The following NECAB2 variants were observed in gnomAD, a reference collection of about 807,000 sequenced individuals.
The protein encoded by NECAB2 is N-terminal EF-hand calcium-binding protein 2.
A neutral mutation model predicts 51.9 loss-of-function variants in NECAB2; 68 were observed. The observed-to-expected ratio is 1.31, with a 90% confidence interval of 1.08 to 1.60. The LOEUF (loss-of-function observed/expected upper bound fraction) is 1.60, where lower values mean the gene tolerates loss of function less well. NECAB2 is among the 40% of genes most tolerant of loss of function. The pLI is 0.00. For missense variants in NECAB2, 854 were observed against 490.3 expected (o/e 1.74, Z -7.00); for synonymous variants, 329 against 203.5 (o/e 1.62, Z -5.25).
intron 12 of NECAB2, 103 bp from the exon 13 acceptor site, chr16:84,002,215 G>T (rs867645644): frequency 4.1e-5 from 58 of 1,407,552 alleles, no homozygotes; most frequent in Non-Finnish European, 5.5e-5. Flanking sequence ...GTCACACAAG[G>T]ACTCAAAGCC....
chr16:83,999,005 C>T (rs1202817183), intron 10 of NECAB2, among the ~76,000 whole-genome samples: 1 of 152,158 alleles, frequency 6.6e-6, no homozygotes, highest in African/African-American at 2.4e-5. Flanking sequence ...AAGGCTCTGC[C>T]CAACTCCCTT....
At chr16:83,992,743 C>T (rs1401863829) in intron 6 of NECAB2, among the ~76,000 whole-genome samples, 3 of 152,306 alleles carry the variant, frequency 2.0e-5, no homozygotes, top group Non-Finnish European at 2.9e-5. Context: ...CATTCCTGGG[C>T]TCCTGGCCAT....
intron 10 of NECAB2, among the ~76,000 whole-genome samples, chr16:83,999,423 G>A (rs1056686837): frequency 6.6e-6 from 1 of 152,154 alleles, no homozygotes; most frequent in African/African-American, 2.4e-5. Flanking sequence ...GGACGTAGAG[G>A]CTCTGGTTTG....
chr16:84,001,746 A>C, intron 11 of NECAB2, 79 bp from the exon 12 acceptor site: 1 of 1,494,634 alleles, frequency 6.7e-7, no homozygotes, highest in Non-Finnish European at 9.3e-7. Context: ...ATTTTGGGCT[A>C]GAGCTAGGAT....
At chr16:83,969,459 C>A (rs1326726300) in intron 1 of NECAB2, among the ~76,000 whole-genome samples, 2 of 152,070 alleles carry the variant, frequency 1.3e-5, no homozygotes, top group African/African-American at 4.8e-5. Flanking sequence ...AGCTGGTACC[C>A]CTCTGGTCTT....
chr16:83,995,709 A>T (rs1208987571), intron 8 of NECAB2, among the ~76,000 whole-genome samples: 2 of 152,110 alleles, frequency 1.3e-5, no homozygotes, highest in East Asian at 1.9e-4. Context: ...GTTCTCAGGC[A>T]TTCATGGGGG....
At chr16:83,997,377 C>A (rs2084723318) in intron 9 of NECAB2, 108 bp downstream of exon 9, 1 of 1,410,160 alleles carries the variant, frequency 7.1e-7, no homozygotes, top group Non-Finnish European at 9.9e-7. Context: ...TGCTTGGGAC[C>A]ACCAGGAGGG....
chr16:83,976,146 C>G (rs2084407181), intron 2 of NECAB2, among the ~76,000 whole-genome samples: 1 of 152,138 alleles, frequency 6.6e-6, no homozygotes, highest in Non-Finnish European at 1.5e-5. Flanking sequence ...GATTGGGGCT[C>G]ACAACCCCTG....
At position 83,981,567 on chromosome 16, in the gene NECAB2, C is replaced by A. The variant is rs141803909; in HGVS notation, c.459+440C>A. ...CACCTGGTTTAATCCTCACAGCAAC[C>A]CTATGGGTGGTTGCTGTCACCTCCA... On this transcript the variant is annotated intron_variant, in intron 5 of 12. Coordinates refer to ENST00000305202, the MANE Select transcript of NECAB2 (RefSeq NM_019065.3). Among the ~76,000 whole-genome samples the A allele has an allele frequency of 1.6e-4, 24 of 152,178 alleles. 1 individual carries two copies. In the East Asian group the frequency reaches 4.6e-3, roughly 29 times the overall value.
upstream of NECAB2, chr16:83,966,162 C>T (rs1391989883): frequency 3.1e-6 from 2 of 646,164 alleles, no homozygotes; most frequent in Admixed American, 3.1e-5. Flanking sequence ...CCAGGCTGCC[C>T]TGGACTTAGA....
chr16:83,997,368 G>A, intron 9 of NECAB2, 99 bp downstream of exon 9: 2 of 1,465,598 alleles, frequency 1.4e-6, no homozygotes, highest in South Asian at 1.2e-5. Flanking sequence ...CGCTCTCCCT[G>A]CTTGGGACCA....
chr16:83,968,943 G>C, intron 1 of NECAB2, 94 bp downstream of exon 1: 1 of 818,038 alleles, frequency 1.2e-6, no homozygotes, highest in East Asian at 8.6e-5. Flanking sequence ...CGCGACCCGC[G>C]AGGCCCTCCC....
intron 6 of NECAB2, among the ~76,000 whole-genome samples, chr16:83,992,448 G>T (rs904365556): frequency 4.8e-5 from 7 of 146,582 alleles, no homozygotes; most frequent in African/African-American, 1.9e-4. Context: ...TCCCAGAACA[G>T]CTGATGTGCT....
chr16:83,977,845 C>A (rs1255106976), intron 2 of NECAB2, among the ~76,000 whole-genome samples: 1 of 152,188 alleles, frequency 6.6e-6, no homozygotes, highest in Admixed American at 6.5e-5. Flanking sequence ...ACTCTAAGAA[C>A]AGTGCTGAGA....
chr16:83,988,155 C>A (rs1225003053), intron 5 of NECAB2, among the ~76,000 whole-genome samples: 1 of 152,196 alleles, frequency 6.6e-6, no homozygotes, highest in African/African-American at 2.4e-5. Flanking sequence ...TTAATCAGAT[C>A]TGGGACTTTG....
chr16:84,002,036 C>A (rs1426585883), intron 12 of NECAB2, 120 bp downstream of exon 12: 1 of 1,207,752 alleles, frequency 8.3e-7, no homozygotes. Flanking sequence ...CTGTCAGCTC[C>A]TGCCACCAAT....
Position 83,994,707 on chromosome 16 carries a change from A to C in NECAB2, c.795+19A>C, listed in dbSNP as rs369703861. On this transcript the variant is annotated intron_variant, in intron 8 of 12. Coordinates refer to ENST00000305202, the MANE Select transcript of NECAB2 (RefSeq NM_019065.3). ...GAGCAAAGTAAGCCCTGGCCTGACCACGGCGTCTACTCCTTCCAACCCCTG... is the reference window on the plus strand; with the variant it reads ...GAGCAAAGTAAGCCCTGGCCTGACCCCGGCGTCTACTCCTTCCAACCCCTG... 5.6e-6 allele frequency: 9 copies of C among 1,613,350 alleles called. No homozygotes were observed. The highest frequency in any genetic ancestry group is 7.6e-6 in the Non-Finnish European group (9 of 1,179,694).
Position 84,001,895 on chromosome 16 carries a change from C to A in NECAB2, c.1111C>A (p.Leu371Ile), listed in dbSNP as rs749605991. Reference sequence around the variant, plus strand: ...GGACACACTGAGCCAGCCTGAGGCCCTCTCCAGGATCTTGGTGCCAGGTAG... The same window carrying A: ...GGACACACTGAGCCAGCCTGAGGCCATCTCCAGGATCTTGGTGCCAGGTAG... ...KVDTLSQPEA[L>I]SRILVPAAWC... is the part of the protein sequence containing the mutation. Residue 371 changes from leucine (L) to isoleucine (I), a missense_variant, in exon 12 of 13, where the codon CTC (leucine) becomes ATC (isoleucine). Transcript: ENST00000305202. The A allele has an allele frequency of 1.4e-5, 23 of 1,614,028 alleles. 1 individual carries two copies. The South Asian group carries it at 2.4e-4, about 17-fold the overall frequency.
At chr16:83,985,575 G>GT (rs1449400646) in intron 5 of NECAB2, among the ~76,000 whole-genome samples, 1 of 151,608 alleles carries the variant, frequency 6.6e-6, no homozygotes, top group Non-Finnish European at 1.5e-5. Context: ...GGAGGTTGCA[G>GT]TGAGCCGAGA....
Sources: allele counts gnomAD v4.1 joint callset (sites outside exome capture counted in the v4.1 genomes callset), GRCh38; gene constraint gnomAD v4.1.1; transcripts MANE v1.5; gene names NCBI Gene and HGNC (gene_info 2026-07-23, HGNC 2026-07-21).